The following SPINK2 variants were observed in gnomAD, a reference collection of about 807,000 sequenced individuals.
The protein encoded by SPINK2 is serine peptidase inhibitor Kazal type 2.
SPINK2 carries 8 observed loss-of-function variants against 13.5 expected under a neutral mutation model. That is an observed-to-expected ratio of 0.59 (90% CI 0.35 to 1.07). The LOEUF (loss-of-function observed/expected upper bound fraction) is 1.07, where lower values mean the gene tolerates loss of function less well. Ranked by LOEUF, SPINK2 falls within the 50% of genes least tolerant of loss-of-function variation. The probability of loss-of-function intolerance (pLI) is 0.02; values close to 1 mark genes in which losing one functional copy is unlikely to be tolerated. For synonymous variants in SPINK2, 76 were observed against 74.7 expected (o/e 1.02, Z -0.09); for missense variants, 148 against 180.3 (o/e 0.82, Z 1.03).
rs1382399747 is a variant in SPINK2, at chr4:56,815,312, C to T, written c.250-3518G>A. Among the ~76,000 whole-genome samples the T allele has an allele frequency of 1.3e-5, 2 of 152,178 alleles. 1 individual carries two copies. On this transcript the variant is annotated intron_variant, in intron 2 of 3. Coordinates refer to ENST00000506738, the MANE Select transcript of SPINK2 (RefSeq NM_001271718.2). ...AACACAAGAATGTCCACTTTCACCT[C>T]TTCTATTCAACACTATACCGAAGTT...
chr4:56,819,333 T>A (rs1717728456), intron 2 of SPINK2, among the ~76,000 whole-genome samples: 1 of 152,164 alleles, frequency 6.6e-6, no homozygotes, highest in African/African-American at 2.4e-5. Context: ...GAAGTCAATA[T>A]CCTCATATGT....
chr4:56,810,177 C>G lies in SPINK2; in HGVS notation c.367G>C (p.Gly123Arg). The G allele has an allele frequency of 6.2e-7, 1 of 1,608,246 alleles. No homozygotes were observed. Among genetic ancestry groups the G allele is most frequent in the Non-Finnish European group, 8.5e-7 (1 of 1,176,682 alleles). Residue 123 changes from glycine (G) to arginine (R), a missense_variant, in exon 4 of 4, where the codon GGT becomes CGT. Transcript: ENST00000506738. ...TTTCGAATGATTTTAATATTATGACCACCTTCCCTGCAAATTGAACAATCA... is the reference window on the plus strand; with the variant it reads ...TTTCGAATGATTTTAATATTATGACGACCTTCCCTGCAAATTGAACAATCA... ...CTLCMKIREG[G>R]HNIKIIRNGP... is the part of the protein sequence containing the mutation.
Position 56,821,651 on chromosome 4 carries a change from C to T in SPINK2, c.12G>A (p.Ser4=). 1 of 1,541,468 alleles carries T rather than the reference C, an allele frequency of 6.5e-7. No individual in the cohort carries two copies. Among genetic ancestry groups the T allele is most frequent in the East Asian group, 2.5e-5 (1 of 40,470 alleles). MAL[S]VLRLALLLLA... Reference sequence around the variant, plus strand: ...GGAGCAGCAGCGCCAAGCGCAGCACCGACAGCGCCATCCTCCTCCCGCGCC... The same window carrying T: ...GGAGCAGCAGCGCCAAGCGCAGCACTGACAGCGCCATCCTCCTCCCGCGCC... The change falls in exon 1 of 4, where the codon TCG becomes TCA. Residue 4 remains serine (S), a synonymous_variant. Coordinates refer to ENST00000506738, the MANE Select transcript of SPINK2 (RefSeq NM_001271718.2).
At chr4:56,813,264 A>G (rs1717148297) in intron 2 of SPINK2, among the ~76,000 whole-genome samples, 1 of 152,206 alleles carries the variant, frequency 6.6e-6, no homozygotes, top group Non-Finnish European at 1.5e-5. Flanking sequence ...CAGAGGTTGC[A>G]GTGAGCCGAG....
Position 56,821,449 on chromosome 4 carries a change from T to C in SPINK2, c.205+9A>G. Reference sequence around the variant, plus strand: ...CCACCCCCACAACCCCCAGTTCGCGTTCCTCCACCTGGCAGGTCCTCTGGG... The same window carrying C: ...CCACCCCCACAACCCCCAGTTCGCGCTCCTCCACCTGGCAGGTCCTCTGGG... On this transcript the variant is annotated intron_variant, in intron 1 of 3. Transcript: ENST00000506738. 6.6e-7 allele frequency: 1 copy of C among 1,509,978 alleles called. No individual in the cohort carries two copies. Among genetic ancestry groups the C allele is most frequent in the Non-Finnish European group, 8.8e-7 (1 of 1,134,618 alleles). 93.5% of individuals were successfully genotyped at this position (1,509,978 alleles called of 1,614,324 possible). A position where few individuals can be genotyped will look rare whatever the true frequency, so the allele number is the denominator to read the frequency against.
Position 56,821,562 on chromosome 4 carries a change from CT to C in SPINK2, c.100del (p.Ser34AlafsTer38). On this transcript the variant is annotated frameshift_variant, in exon 1 of 4. Transcript: ENST00000506738. LOFTEE classifies it high-confidence loss of function. Reference sequence around the variant, plus strand: ...GCCGCCGGTCTGACTCCCAAACCCGCTTTTCTCCGGAGGTCCCCGCTCGCCA... The same window carrying C: ...GCCGCCGGTCTGACTCCCAAACCCGCTTTCTCCGGAGGTCCCCGCTCGCCA... ...GPGERGPPEK[S>X]GFGSQTGGGP... The C allele has an allele frequency of 6.5e-7, 1 of 1,547,796 alleles. No individual in the cohort carries two copies. The highest frequency in any genetic ancestry group is 8.7e-7 in the Non-Finnish European group (1 of 1,146,716).
chr4:56,818,257 C>T (rs1448043050), intron 2 of SPINK2: 2 of 152,234 alleles, frequency 1.3e-5, no homozygotes, highest in Admixed American at 6.5e-5. Context: ...AGAAAAGGAA[C>T]AGAGAAATCT....
intron 2 of SPINK2, among the ~76,000 whole-genome samples, chr4:56,812,536 C>A (rs567579151): frequency 3.7e-4 from 47 of 127,746 alleles, no homozygotes; most frequent in African/African-American, 1.4e-3. Context: ...ACCCTCCAAC[C>A]TGGGCAACGA....
At chr4:56,811,081 A>G (rs1716938119) in intron 3 of SPINK2, among the ~76,000 whole-genome samples, 1 of 152,202 alleles carries the variant, frequency 6.6e-6, no homozygotes, top group Non-Finnish European at 1.5e-5. Flanking sequence ...TACTCCACAG[A>G]GTTTAACTAT....
At position 56,817,936 on chromosome 4, in the gene SPINK2, G is replaced by A. The variant is rs144560784; in HGVS notation, c.249+2600C>T. Among the ~76,000 whole-genome samples, 595 of 152,226 alleles carry A rather than the reference G, an allele frequency of 3.9e-3. 1 individual carries two copies. Among genetic ancestry groups the A allele is most frequent in the Admixed American group, 7.1e-3 (109 of 15,258 alleles). ...ACCAGAAGGTACAGGTAGAAAAGTA[G>A]GCTGTGTCGATGAGGTTAGACTTTC... On this transcript the variant is annotated intron_variant, in intron 2 of 3. Transcript: ENST00000506738.
At chr4:56,811,820 G>A (rs1717003456) in intron 2 of SPINK2, 26 bp from the exon 3 acceptor site, 2 of 1,470,542 alleles carry the variant, frequency 1.4e-6, no homozygotes, top group Non-Finnish European at 1.9e-6. Flanking sequence ...AGAGAAATTC[G>A]AGAATGACTT....
chr4:56,820,808 C>T (rs900795122), intron 1 of SPINK2, among the ~76,000 whole-genome samples: 17 of 152,146 alleles, frequency 1.1e-4, no homozygotes, highest in South Asian at 6.2e-4. Context: ...GGGATTTATC[C>T]AGGCCACATC....
At chr4:56,816,086 G>T (rs894346979) in intron 2 of SPINK2, among the ~76,000 whole-genome samples, 4 of 151,976 alleles carry the variant, frequency 2.6e-5, no homozygotes, top group African/African-American at 9.7e-5. Flanking sequence ...ATGAGCCACA[G>T]AACAAGACTC....
upstream of SPINK2, chr4:56,821,764 G>A (rs1028943422): frequency 2.5e-5 from 31 of 1,230,634 alleles, 1 homozygote; most frequent in Non-Finnish European, 3.1e-5. Context: ...GGAAGGGGCG[G>A]GGCGAGAATG....
intron 2 of SPINK2, among the ~76,000 whole-genome samples, chr4:56,818,864 G>A (rs1466843553): frequency 1.3e-5 from 2 of 152,194 alleles, no homozygotes; most frequent in Non-Finnish European, 2.9e-5. Context: ...TTGGGCATCT[G>A]TGAGATGCTG....
intron 2 of SPINK2, chr4:56,818,075 T>C (rs1717607239): frequency 6.6e-6 from 1 of 152,020 alleles, no homozygotes; most frequent in Non-Finnish European, 1.5e-5. Context: ...AAAGTGAAGA[T>C]ACCAAAAGGA....
chr4:56,814,208 C>T (rs1440178961), intron 2 of SPINK2, among the ~76,000 whole-genome samples: 7 of 152,064 alleles, frequency 4.6e-5, no homozygotes, highest in Middle Eastern at 3.4e-3. Context: ...AGGCATGAGC[C>T]GCCGCACCCT....
At chr4:56,813,866 G>A (rs898058233) in intron 2 of SPINK2, among the ~76,000 whole-genome samples, 1 of 149,812 alleles carries the variant, frequency 6.7e-6, no homozygotes, top group Non-Finnish European at 1.5e-5. Flanking sequence ...TGATCTGCCC[G>A]CCTCAGCCTC....
chr4:56,814,437 A>C (rs540741022), intron 2 of SPINK2, among the ~76,000 whole-genome samples: 1 of 152,236 alleles, frequency 6.6e-6, no homozygotes, highest in South Asian at 2.1e-4. Context: ...GGAGACACAA[A>C]GACAAAGAAA....
Sources: allele counts gnomAD v4.1 joint callset (sites outside exome capture counted in the v4.1 genomes callset), GRCh38; gene constraint gnomAD v4.1.1; transcripts MANE v1.5; gene names NCBI Gene and HGNC (gene_info 2026-07-23, HGNC 2026-07-21).